Variants in FHIT observed in about 807,000 individuals in gnomAD.
FHIT encodes the protein bis(5'-adenosyl)-triphosphatase.
Under a neutral mutation model 17.9 loss-of-function variants are expected in FHIT, and 19 were observed. The observed-to-expected ratio is 1.06, with a 90% confidence interval of 0.74 to 1.56. The LOEUF (loss-of-function observed/expected upper bound fraction) is 1.56, where lower values mean the gene tolerates loss of function less well. Ranked by LOEUF, FHIT falls within the 40% of genes most tolerant of loss-of-function variation. The pLI, the probability that FHIT is intolerant of heterozygous loss-of-function variation, is 0.00. For missense variants in FHIT, 248 were observed against 189.2 expected, an observed-to-expected ratio of 1.31 and a Z score of -1.82; for synonymous variants, 81 against 69.7, an observed-to-expected ratio of 1.16 and a Z score of -0.81.
chr3:60,748,175 G>A (rs1235208992), intron 4 of FHIT, among the ~76,000 whole-genome samples: 1 of 152,144 alleles, frequency 6.6e-6, no homozygotes, highest in Non-Finnish European at 1.5e-5. Context: ...TGGGAGATAG[G>A]ATGAACTGGA....
intron 8 of FHIT, among the ~76,000 whole-genome samples, chr3:59,845,876 A>AT (rs890568924): frequency 1.3e-5 from 2 of 151,706 alleles, no homozygotes; most frequent in Admixed American, 6.6e-5. Context: ...TTTAAAGTCT[A>AT]TTTTTTCTGA....
intron 2 of FHIT, among the ~76,000 whole-genome samples, chr3:61,173,020 A>C (rs1363526293): frequency 6.6e-6 from 1 of 152,188 alleles, no homozygotes; most frequent in African/African-American, 2.4e-5. Context: ...GCTCCAAGGA[A>C]ATACTACCAT....
intron 4 of FHIT, among the ~76,000 whole-genome samples, chr3:60,681,706 G>A (rs1484211247): frequency 6.6e-6 from 1 of 152,172 alleles, no homozygotes; most frequent in Non-Finnish European, 1.5e-5. Context: ...CTGGATAGAA[G>A]ATCAAACTAG....
At chr3:60,262,853 A>C (rs1052353493) in intron 5 of FHIT, among the ~76,000 whole-genome samples, 10 of 151,860 alleles carry the variant, frequency 6.6e-5, no homozygotes, top group Admixed American at 5.9e-4. Flanking sequence ...CAAAGAAAAA[A>C]AGATAAAAAA....
chr3:60,706,868 A>T (rs1168910103), intron 4 of FHIT, among the ~76,000 whole-genome samples: 1 of 152,240 alleles, frequency 6.6e-6, no homozygotes. Context: ...CACATGAATT[A>T]GTGAAGCAAC....
chr3:59,850,125 C>T (rs571607355), intron 8 of FHIT, among the ~76,000 whole-genome samples: 201 of 152,304 alleles, frequency 1.3e-3, no homozygotes, highest in African/African-American at 4.5e-3. Context: ...AGGTGAAGCC[C>T]TGTTCCCTAG....
intron 5 of FHIT, among the ~76,000 whole-genome samples, chr3:60,147,257 C>G (rs1010064342): frequency 2.0e-4 from 30 of 152,184 alleles, no homozygotes; most frequent in African/African-American, 7.0e-4. Context: ...GCTTTGAACT[C>G]TCTGTCTTTG....
At chr3:60,232,939 G>C (rs1214157163) in intron 5 of FHIT, among the ~76,000 whole-genome samples, 1 of 152,144 alleles carries the variant, frequency 6.6e-6, no homozygotes, top group African/African-American at 2.4e-5. Flanking sequence ...ATGATACTAT[G>C]GCTATAGTTT....
intron 3 of FHIT, among the ~76,000 whole-genome samples, chr3:60,956,316 T>C (rs530444803): frequency 6.6e-6 from 1 of 152,234 alleles, no homozygotes; most frequent in South Asian, 2.1e-4. Flanking sequence ...CTACAGCACA[T>C]AGGATAGCAA....
intron 7 of FHIT, among the ~76,000 whole-genome samples, chr3:59,922,954 G>A (rs776416967): frequency 6.6e-6 from 1 of 151,956 alleles, no homozygotes; most frequent in Non-Finnish European, 1.5e-5. Context: ...TCTTCATTTA[G>A]TACTCTTAAA....
chr3:60,251,909 T>C (rs1427766522), intron 5 of FHIT, among the ~76,000 whole-genome samples: 7 of 152,150 alleles, frequency 4.6e-5, no homozygotes, highest in East Asian at 3.9e-4. Context: ...AGGCATGTAA[T>C]AGTGTTTCAC....
chr3:60,441,770 TTATATGTATAAAAATATATATATATATA>T, intron 5 of FHIT, among the ~76,000 whole-genome samples: 1 of 42,586 alleles, frequency 2.3e-5, no homozygotes, highest in African/African-American at 5.6e-5. Context: ...ATATATATAT[TTATATGTATAAAAATATATATATATATA>T]TATATATATA....
Position 60,848,832 on chromosome 3 carries a change from C to T in FHIT, c.-110-26821G>A, listed in dbSNP as rs868953933. ...ATAATGGATTTTTTTTCCAAGAAAG[C>T]TCATCAAGCTGACCTTAAGTAGATG... On this transcript the variant is annotated intron_variant, in intron 3 of 9. Coordinates refer to ENST00000492590, the MANE Select transcript of FHIT (RefSeq NM_002012.4). 3.2e-4 allele frequency among the ~76,000 whole-genome samples: 48 copies of T among 152,040 alleles called. 1 individual carries two copies. The highest frequency in any genetic ancestry group is 6.8e-3 in the Middle Eastern group (2 of 294).
intron 4 of FHIT, among the ~76,000 whole-genome samples, chr3:60,554,484 A>C (rs569247303): frequency 8.5e-5 from 13 of 152,320 alleles, no homozygotes; most frequent in Admixed American, 1.3e-4. Context: ...GGACTGTATG[A>C]AGACATTGTG....
At chr3:60,705,537 G>C (rs559084542) in intron 4 of FHIT, among the ~76,000 whole-genome samples, 43 of 152,258 alleles carry the variant, frequency 2.8e-4, no homozygotes, top group Admixed American at 2.6e-3. Flanking sequence ...TATTGAATTC[G>C]GGTTTGAAAT....
chr3:61,173,290 T>C (rs915626427), intron 2 of FHIT, among the ~76,000 whole-genome samples: 1 of 151,982 alleles, frequency 6.6e-6, no homozygotes, highest in African/African-American at 2.4e-5. Context: ...AAAATCTCTT[T>C]TTAAAAAACT....
intron 2 of FHIT, among the ~76,000 whole-genome samples, chr3:61,187,138 G>A (rs1412192388): frequency 1.3e-5 from 2 of 152,184 alleles, no homozygotes; most frequent in Non-Finnish European, 2.9e-5. Context: ...TCATGTAGGT[G>A]AGTGCATATT....
At chr3:60,075,682 G>T (rs1369256575) in intron 5 of FHIT, among the ~76,000 whole-genome samples, 1 of 152,004 alleles carries the variant, frequency 6.6e-6, no homozygotes, top group East Asian at 1.9e-4. Context: ...AGGAATCAAA[G>T]ATCCTGTTTG....
In FHIT at chr3:59,747,431, G is replaced by A. The variant is rs1301688455; in HGVS notation, c.*2154C>T. 6.6e-6 allele frequency among the ~76,000 whole-genome samples: 1 copy of A among 152,076 alleles called. No homozygotes were observed. The highest frequency in any genetic ancestry group is 1.5e-5 in the Non-Finnish European group (1 of 68,004). On this transcript the variant is annotated 3_prime_UTR_variant, in exon 10 of 10. Transcript: ENST00000492590. The stretch of plus-strand genomic sequence containing the variant: ...ACTATCAATCATGAGAACAGCATGG[G>A]AAAGACCCTCCCCCTTGATTCAGTT...
Sources: allele counts gnomAD v4.1 joint callset (sites outside exome capture counted in the v4.1 genomes callset), GRCh38; gene constraint gnomAD v4.1.1; transcripts MANE v1.5; gene names NCBI Gene and HGNC (gene_info 2026-07-23, HGNC 2026-07-21).